RGS7: variants seen among roughly 807,000 people sequenced by gnomAD.
The protein encoded by RGS7 is regulator of G-protein signaling 7.
RGS7 carries 27 observed loss-of-function variants against 81.1 expected under a neutral mutation model. The observed-to-expected ratio is 0.33, with a 90% CI of 0.25 to 0.46. The LOEUF (loss-of-function observed/expected upper bound fraction) is 0.46, where lower values mean the gene tolerates loss of function less well. Among genes scored for constraint, RGS7 ranks in the 20% least tolerant of loss-of-function variants. The probability of loss-of-function intolerance (pLI) is 1.00; values close to 1 mark genes in which losing one functional copy is unlikely to be tolerated. For missense variants in RGS7, 396 were observed against 607.4 expected (o/e 0.65, Z 3.66); for synonymous variants, 208 against 207.7 (o/e 1.00, Z -0.01).
chr1:241,152,140 C>CAAAA (rs112950850), intron 2 of RGS7, among the ~76,000 whole-genome samples: 1 of 108,490 alleles, frequency 9.2e-6, no homozygotes, highest in African/African-American at 3.1e-5. Flanking sequence ...CATTAGCAGC[C>CAAAA]AAAAAAAAAA....
intron 2 of RGS7, among the ~76,000 whole-genome samples, chr1:241,189,996 G>A (rs1372195153): frequency 2.0e-5 from 3 of 152,186 alleles, no homozygotes; most frequent in South Asian, 2.1e-4. Flanking sequence ...CCAGCTACTC[G>A]GGAGGCTGAG....
intron 9 of RGS7, among the ~76,000 whole-genome samples, chr1:240,839,963 C>T (rs1695336042): frequency 6.6e-6 from 1 of 152,132 alleles, no homozygotes; most frequent in Non-Finnish European, 1.5e-5. Context: ...GATTCATCAG[C>T]GCATCATGCA....
At position 241,164,291 on chromosome 1, in the gene RGS7, T is replaced by C. The variant is rs1022146323; in HGVS notation, c.79-65529A>G. On this transcript the variant is annotated intron_variant, in intron 2 of 18. Transcript: ENST00000440928. The surrounding 1 kb of genome is among the most constrained non-coding windows in gnomAD (Gnocchi z 4.1). ...TATCCTCTTTTTTTTTTTTTTAAGC[T>C]TCATTATGTAAGCATGATTGACTAA... 5.3e-5 allele frequency among the ~76,000 whole-genome samples: 8 copies of C among 151,720 alleles called. No homozygotes were observed. Among genetic ancestry groups the C allele is most frequent in the African/African-American group, 1.9e-4 (8 of 41,326 alleles).
chr1:240,923,863 T>C (rs1413073350), intron 6 of RGS7, among the ~76,000 whole-genome samples: 2 of 152,298 alleles, frequency 1.3e-5, no homozygotes, highest in East Asian at 3.9e-4. Context: ...AGTTTTCTAA[T>C]ATTATAGATA....
chr1:241,107,638 T>A (rs964805444), intron 2 of RGS7, among the ~76,000 whole-genome samples: 3 of 152,226 alleles, frequency 2.0e-5, no homozygotes, highest in African/African-American at 7.2e-5. Flanking sequence ...TTGGATGCAC[T>A]AACCCCATTC....
chr1:241,259,342 G>T (rs1359052934), intron 2 of RGS7, among the ~76,000 whole-genome samples: 1 of 151,944 alleles, frequency 6.6e-6, no homozygotes, highest in East Asian at 1.9e-4. Context: ...ACACCACAAA[G>T]AACAAAATTA....
intron 18 of RGS7, among the ~76,000 whole-genome samples, chr1:240,784,673 A>G (rs1211238401): frequency 1.4e-5 from 2 of 146,148 alleles, no homozygotes; most frequent in African/African-American, 5.2e-5. Flanking sequence ...TTTTTTTTTG[A>G]AAAAAAATTT....
chr1:241,305,745 C>A, intron 2 of RGS7: 1 of 216,448 alleles, frequency 4.6e-6, no homozygotes, highest in Non-Finnish European at 9.4e-6. Context: ...CTCTATGGGA[C>A]AAAGCCACAC....
chr1:241,037,113 T>C lies in RGS7; in HGVS notation c.176-53984A>G, dbSNP rs572056578. 5.3e-5 allele frequency among the ~76,000 whole-genome samples: 8 copies of C among 152,344 alleles called. No homozygotes were observed. In the South Asian group the frequency reaches 1.7e-3, roughly 32 times the overall value. Reference sequence around the variant, plus strand: ...AGTAGCTAAGGTATATTAACTAACATGGACATTATTATCTTGAAGTGGAAT... The same window carrying C: ...AGTAGCTAAGGTATATTAACTAACACGGACATTATTATCTTGAAGTGGAAT... On this transcript the variant is annotated intron_variant, in intron 3 of 18. Coordinates refer to ENST00000440928, the MANE Select transcript of RGS7 (RefSeq NM_001364886.1).
chr1:241,196,404 T>C (rs1336265603), intron 2 of RGS7, among the ~76,000 whole-genome samples: 1 of 152,024 alleles, frequency 6.6e-6, no homozygotes, highest in East Asian at 1.9e-4. Flanking sequence ...ACCCCATCTG[T>C]TTGAAGTCAT....
At chr1:241,275,995 G>A (rs10442664) in intron 2 of RGS7, among the ~76,000 whole-genome samples, 20,971 of 152,224 alleles carry the variant, frequency 0.14, 1,833 homozygotes, top group Middle Eastern at 0.19. Context: ...GCTTGCGTGG[G>A]TTAAATCACA....
chr1:241,338,502 GC>G (rs1211132969), intron 2 of RGS7, among the ~76,000 whole-genome samples: 1 of 151,974 alleles, frequency 6.6e-6, no homozygotes, highest in Non-Finnish European at 1.5e-5. Context: ...AAGAAAATAA[GC>G]TCAAATATTT....
chr1:241,004,131 TG>T (rs2058565248), intron 3 of RGS7, among the ~76,000 whole-genome samples: 1 of 152,220 alleles, frequency 6.6e-6, no homozygotes, highest in African/African-American at 2.4e-5. Context: ...TAAGGCAAGC[TG>T]TGTATAGAGG....
intron 4 of RGS7, among the ~76,000 whole-genome samples, chr1:240,947,634 A>G (rs1678861497): frequency 6.6e-6 from 1 of 152,166 alleles, no homozygotes; most frequent in African/African-American, 2.4e-5. Flanking sequence ...CCACCACCCC[A>G]GTCCAACCTC....
chr1:241,257,376 T>C (rs72760531), intron 2 of RGS7, among the ~76,000 whole-genome samples: 16,739 of 152,154 alleles, frequency 0.11, 1,024 homozygotes, highest in Admixed American at 0.19. Flanking sequence ...AATATTATCA[T>C]ATTGGGGATC....
chr1:241,318,210 A>G (rs1257500742), intron 2 of RGS7, among the ~76,000 whole-genome samples: 1 of 152,206 alleles, frequency 6.6e-6, no homozygotes, highest in Admixed American at 6.5e-5. Context: ...CAATACTGGA[A>G]TCCAGCAATC....
At chr1:240,900,033 T>C (rs1669724072) in intron 6 of RGS7, among the ~76,000 whole-genome samples, 1 of 152,200 alleles carries the variant, frequency 6.6e-6, no homozygotes, top group Non-Finnish European at 1.5e-5. Flanking sequence ...ATTTCATTCA[T>C]TTGATCTTCA....
intron 2 of RGS7, among the ~76,000 whole-genome samples, chr1:241,117,045 G>T (rs895104246): frequency 6.6e-6 from 1 of 152,108 alleles, no homozygotes; most frequent in Non-Finnish European, 1.5e-5. Context: ...GGCCCTCTAC[G>T]AGGTAGTATA....
At chr1:241,133,274 T>C (rs1196559195) in intron 2 of RGS7, among the ~76,000 whole-genome samples, 1 of 151,948 alleles carries the variant, frequency 6.6e-6, no homozygotes, top group Non-Finnish European at 1.5e-5. Flanking sequence ...AAATCGACTA[T>C]ATATCAATTT....
Sources: allele counts gnomAD v4.1 joint callset (sites outside exome capture counted in the v4.1 genomes callset), GRCh38; gene constraint gnomAD v4.1.1; non-coding constraint Gnocchi (gnomAD v3.1); transcripts MANE v1.5; gene names NCBI Gene and HGNC (gene_info 2026-07-23, HGNC 2026-07-21).